The following SH3GL2 variants were observed in gnomAD, a reference collection of about 807,000 sequenced individuals.
The protein encoded by SH3GL2 is SH3 domain containing GRB2 like 2, endophilin A1.
A neutral mutation model predicts 46.0 loss-of-function variants in SH3GL2; 24 were observed. That is an observed-to-expected ratio of 0.52 (90% CI 0.38 to 0.73). The LOEUF (loss-of-function observed/expected upper bound fraction) is 0.73, where lower values mean the gene tolerates loss of function less well. SH3GL2 is among the 30% of genes least tolerant of loss of function. SH3GL2 has a pLI of 0.00. For missense variants in SH3GL2, 413 were observed against 424.2 expected (o/e 0.97, Z 0.23); for synonymous variants, 196 against 147.1 (o/e 1.33, Z -2.40).
chr9:17,620,864 C>G (rs1490527070), intron 1 of SH3GL2, among the ~76,000 whole-genome samples: 1 of 152,020 alleles, frequency 6.6e-6, no homozygotes, highest in Non-Finnish European at 1.5e-5. Context: ...TCAGAGGGGT[C>G]TGAAAGGGGG....
At chr9:17,784,762 G>T (rs764669733) in intron 3 of SH3GL2, among the ~76,000 whole-genome samples, 1 of 152,150 alleles carries the variant, frequency 6.6e-6, no homozygotes, top group Non-Finnish European at 1.5e-5. Flanking sequence ...GTGTCACCCA[G>T]AGTGGAGTGG....
Position 17,791,297 on chromosome 9 carries a change from C to T in SH3GL2, c.691C>T (p.Gln231Ter). 3 of 1,613,410 alleles carry T rather than the reference C, an allele frequency of 1.9e-6. No individual in the cohort carries two copies. Among genetic ancestry groups the T allele is most frequent in the Non-Finnish European group, 2.5e-6 (3 of 1,179,388 alleles). Reference sequence around the variant, plus strand: ...GCTGGAGTACCACAAGCAGGCAGTCCAGATCCTGCAGCAAGTCACGGTCAG... The same window carrying T: ...GCTGGAGTACCACAAGCAGGCAGTCTAGATCCTGCAGCAAGTCACGGTCAG... Reference protein sequence around the residue: ...AQLEYHKQAVQILQQVTVRLE... With the variant: ...AQLEYHKQAV Residue 231 changes from glutamine (Q) to a stop codon, truncating the protein, a stop_gained, in exon 7 of 9, where the codon CAG (glutamine) becomes TAG (stop). Transcript: ENST00000380607. LOFTEE classifies it high-confidence loss of function.
At chr9:17,772,339 A>G (rs941133639) in intron 3 of SH3GL2, among the ~76,000 whole-genome samples, 1 of 152,234 alleles carries the variant, frequency 6.6e-6, no homozygotes, top group East Asian at 1.9e-4. Context: ...TTTTCATAGT[A>G]AAACATGCAT....
In SH3GL2 at chr9:17,761,457, G is replaced by A; in HGVS notation, c.135G>A (p.Arg45=). 6.2e-7 allele frequency: 1 copy of A among 1,607,134 alleles called. No homozygotes were observed. The highest frequency in any genetic ancestry group is 1.1e-5 in the South Asian group (1 of 90,966). The part of the protein sequence containing the change: ...EMERKVDVTS[R]AVMEIMTKTI... ...TTCAGAAAGTGGATGTCACCAGCAG[G>A]GCTGTGATGGAAATAATGACTAAAA... is the stretch of plus-strand genomic sequence containing the variant. The change falls in exon 3 of 9, where the codon AGG becomes AGA. Residue 45 remains arginine (R), a synonymous_variant. Transcript: ENST00000380607.
At chr9:17,784,080 G>C (rs1823887921) in intron 3 of SH3GL2, among the ~76,000 whole-genome samples, 1 of 152,114 alleles carries the variant, frequency 6.6e-6, no homozygotes, top group African/African-American at 2.4e-5. Context: ...ATAAATTTGT[G>C]AATGAACTTA....
At chr9:17,604,301 C>T in intron 1 of SH3GL2, among the ~76,000 whole-genome samples, 1 of 152,320 alleles carries the variant, frequency 6.6e-6, no homozygotes, top group East Asian at 1.9e-4. Context: ...TCCACACAGA[C>T]CGTTAACTTT....
intron 1 of SH3GL2, among the ~76,000 whole-genome samples, chr9:17,742,948 G>A (rs999997847): frequency 6.6e-6 from 1 of 151,874 alleles, no homozygotes; most frequent in Non-Finnish European, 1.5e-5. Flanking sequence ...TTTCTCAAAT[G>A]GCAAATATGT....
At chr9:17,668,389 A>G (rs899176803) in intron 1 of SH3GL2, among the ~76,000 whole-genome samples, 1 of 152,188 alleles carries the variant, frequency 6.6e-6, no homozygotes, top group Non-Finnish European at 1.5e-5. Context: ...TTCCTCATTC[A>G]ATATTCTTGG....
rs768862710 is a variant in SH3GL2 at position 17,786,518 on chromosome 9, A to G, written c.325A>G (p.Asn109Asp). 8.7e-6 allele frequency: 14 copies of G among 1,613,100 alleles called. 1 individual carries two copies. The South Asian group carries it at 1.3e-4, about 15-fold the overall frequency. The part of the protein sequence containing the change: ...KFGRELGDDC[N>D]FGPALGEVGE... ...TGGAAGAGAGCTTGGAGATGATTGC[A>G]ACTTTGGTAACAAGTGCTTCCTCAC... The change falls in exon 4 of 9, where the codon AAC becomes GAC. Residue 109 changes from asparagine to aspartate, a missense_variant. Physicochemically the swap from Asn to Asp is conservative, Grantham distance 23. This residue lies in a region of SH3GL2 where 160 missense variants were observed against 192.3 expected (regional missense o/e 0.83). Transcript: ENST00000380607.
intron 1 of SH3GL2, among the ~76,000 whole-genome samples, chr9:17,714,309 T>G (rs964874163): frequency 4.6e-5 from 7 of 151,734 alleles, no homozygotes; most frequent in African/African-American, 1.7e-4. Flanking sequence ...TTTTATCCAA[T>G]CTGAAAATCT....
At chr9:17,609,445 A>G (rs1470536601) in intron 1 of SH3GL2, among the ~76,000 whole-genome samples, 1 of 152,086 alleles carries the variant, frequency 6.6e-6, no homozygotes, top group Admixed American at 6.5e-5. Flanking sequence ...GCGTAAGCCA[A>G]GCAGGTAGAA....
rs140364272 is a variant in SH3GL2 at position 17,676,040 on chromosome 9, G to T, written c.46-71026G>T. On this transcript the variant is annotated intron_variant, in intron 1 of 8. Transcript: ENST00000380607. Reference sequence around the variant, plus strand: ...TTTTCCTGGAGTTCTTAGAAGCTGTGTGTAACCAAAGGGGGCTGGAGAGTG... The same window carrying T: ...TTTTCCTGGAGTTCTTAGAAGCTGTTTGTAACCAAAGGGGGCTGGAGAGTG... Among the ~76,000 whole-genome samples the T allele has an allele frequency of 2.0e-5, 3 of 152,326 alleles. No homozygotes were observed. The East Asian group carries it at 5.8e-4, about 29-fold the overall frequency.
chr9:17,621,016 G>A (rs954155453), intron 1 of SH3GL2, among the ~76,000 whole-genome samples: 17 of 152,294 alleles, frequency 1.1e-4, no homozygotes, highest in Non-Finnish European at 1.8e-4. Flanking sequence ...AAGTTTTCCA[G>A]CGTTTAAAGA....
chr9:17,593,256 G>C (rs1563774533), intron 1 of SH3GL2, among the ~76,000 whole-genome samples: 1 of 151,928 alleles, frequency 6.6e-6, no homozygotes, highest in Admixed American at 6.6e-5. Flanking sequence ...CTGATTTATA[G>C]CTGATAGGTT....
intron 2 of SH3GL2, among the ~76,000 whole-genome samples, chr9:17,751,121 G>C (rs950617591): frequency 1.3e-5 from 2 of 152,194 alleles, no homozygotes; most frequent in African/African-American, 4.8e-5. Context: ...GAACCCAGAA[G>C]ATGTCCTAGG....
intron 1 of SH3GL2, among the ~76,000 whole-genome samples, chr9:17,585,388 T>C (rs1302371493): frequency 6.6e-6 from 1 of 152,166 alleles, no homozygotes; most frequent in Non-Finnish European, 1.5e-5. Context: ...TTTTTTGGCC[T>C]CCTTTTTTCT....
chr9:17,705,089 GCAGA>G (rs1249688637), intron 1 of SH3GL2, among the ~76,000 whole-genome samples: 1 of 151,010 alleles, frequency 6.6e-6, no homozygotes, highest in Non-Finnish European at 1.5e-5. Flanking sequence ...AAAGACATAA[GCAGA>G]CACTTTTCAA....
At chr9:17,623,425 C>T (rs989267449) in intron 1 of SH3GL2, among the ~76,000 whole-genome samples, 5 of 151,854 alleles carry the variant, frequency 3.3e-5, no homozygotes, top group Non-Finnish European at 7.4e-5. Context: ...AGACTGAGAA[C>T]AAAATGACCT....
chr9:17,794,835 C>G (rs902567580), intron 8 of SH3GL2, among the ~76,000 whole-genome samples: 1 of 152,132 alleles, frequency 6.6e-6, no homozygotes, highest in Non-Finnish European at 1.5e-5. Flanking sequence ...TTTACCTTAC[C>G]AAGTATAAAT....
Sources: allele counts gnomAD v4.1 joint callset (sites outside exome capture counted in the v4.1 genomes callset), GRCh38; gene constraint gnomAD v4.1.1; regional missense constraint gnomAD v4.1.1; transcripts MANE v1.5; gene names NCBI Gene and HGNC (gene_info 2026-07-23, HGNC 2026-07-21).